Variants in PSD3 observed in about 807,000 individuals in gnomAD.
The protein encoded by PSD3 is pleckstrin and Sec7 domain containing 3.
PSD3 carries 49 observed loss-of-function variants against 105.5 expected under a neutral mutation model. The observed-to-expected ratio is 0.46, with a 90% CI of 0.37 to 0.59. PSD3 has a LOEUF of 0.59. Among genes scored for constraint, PSD3 ranks in the 20% least tolerant of loss-of-function variants. The pLI is 0.00. For synonymous variants in PSD3, 557 were observed against 457.8 expected, an observed-to-expected ratio of 1.22 and a Z score of -2.77; for missense variants, 1,561 against 1,263.8, an observed-to-expected ratio of 1.24 and a Z score of -3.57.
chr8:18,770,342 T>C (rs1198192734), intron 8 of PSD3, among the ~76,000 whole-genome samples: 1 of 152,260 alleles, frequency 6.6e-6, no homozygotes, highest in Non-Finnish European at 1.5e-5. Context: ...TATTCAGTTG[T>C]AAGACTTCTT....
chr8:18,592,006 C>G (rs1294800774), intron 12 of PSD3, among the ~76,000 whole-genome samples: 1 of 151,986 alleles, frequency 6.6e-6, no homozygotes, highest in Non-Finnish European at 1.5e-5. Context: ...ATGTGCAGAT[C>G]CCAATACAGC....
intron 1 of PSD3, among the ~76,000 whole-genome samples, chr8:18,962,998 G>C (rs192122384): frequency 6.6e-6 from 1 of 152,314 alleles, no homozygotes; most frequent in Admixed American, 6.5e-5. Flanking sequence ...TGAGACTGGG[G>C]ATAAAAAGAG....
At chr8:19,083,660 TC>T (rs1829713921) in intron 1 of PSD3, among the ~76,000 whole-genome samples, 1 of 150,146 alleles carries the variant, frequency 6.7e-6, no homozygotes, top group Non-Finnish European at 1.5e-5. Flanking sequence ...TCTGGAAACC[TC>T]CACAGCTCCC....
chr8:18,901,151 G>A (rs1476038615), intron 2 of PSD3, among the ~76,000 whole-genome samples: 2 of 152,136 alleles, frequency 1.3e-5, no homozygotes, highest in Non-Finnish European at 2.9e-5. Flanking sequence ...ATGAATTCAT[G>A]TCACAACTCT....
At chr8:18,663,927 A>G (rs1423745499) in intron 9 of PSD3, among the ~76,000 whole-genome samples, 2 of 152,172 alleles carry the variant, frequency 1.3e-5, no homozygotes, top group East Asian at 3.9e-4. Flanking sequence ...AATTCTCACA[A>G]TTCAAACATT....
Position 18,528,879 on chromosome 8 carries a change from T to C in PSD3, c.*6864A>G, listed in dbSNP as rs928289489. 1 of 152,640 alleles carries C rather than the reference T, an allele frequency of 6.6e-6. No individual in the cohort carries two copies. The highest frequency in any genetic ancestry group is 1.5e-5 in the Non-Finnish European group (1 of 68,056). The allele number at this position is 152,640 out of a possible 1,614,324, so 9.5% of individuals were successfully genotyped here. On this transcript the variant is annotated 3_prime_UTR_variant, in exon 16 of 16. Coordinates refer to ENST00000327040, the MANE Select transcript of PSD3 (RefSeq NM_015310.4). ...TAGCTCTCTGCCCTGCAAAGGGAAA[T>C]GCATTTTAGTTCGGTTCCTTTCCAT... is the stretch of plus-strand genomic sequence containing the variant.
Position 18,687,078 on chromosome 8 carries a change from G to C in PSD3, c.2173-31393C>G, listed in dbSNP as rs547563898. On this transcript the variant is annotated intron_variant, in intron 9 of 15. Transcript: ENST00000327040. Reference sequence around the variant, plus strand: ...CCAAAACAGAACCTGGTGAAGAGCCGGAGCTCAATGACCAGCTGTCAAATA... The same window carrying C: ...CCAAAACAGAACCTGGTGAAGAGCCCGAGCTCAATGACCAGCTGTCAAATA... Among the ~76,000 whole-genome samples the C allele has an allele frequency of 2.0e-5, 3 of 152,244 alleles. No individual in the cohort carries two copies. The East Asian group carries it at 5.8e-4, about 29-fold the overall frequency.
intron 4 of PSD3, among the ~76,000 whole-genome samples, chr8:18,820,120 G>C (rs1812569609): frequency 6.7e-6 from 1 of 150,344 alleles, no homozygotes; most frequent in Admixed American, 6.6e-5. Context: ...AGAATTATTA[G>C]AAACTCCAAG....
intron 9 of PSD3, among the ~76,000 whole-genome samples, chr8:18,662,982 CT>C (rs1398181755): frequency 6.6e-6 from 1 of 152,182 alleles, no homozygotes; most frequent in South Asian, 2.1e-4. Flanking sequence ...ACTCTGACTG[CT>C]TCTTGTCAAA....
At chr8:18,684,250 A>ACACCCCC (rs1160606988) in intron 9 of PSD3, 2 of 170,408 alleles carry the variant, frequency 1.2e-5, no homozygotes, top group African/African-American at 5.7e-5. Context: ...ACACACACAC[A>ACACCCCC]CCCCATCATA....
intron 1 of PSD3, among the ~76,000 whole-genome samples, chr8:19,048,808 GC>G (rs2129477036): frequency 6.6e-6 from 1 of 152,296 alleles, no homozygotes; most frequent in Admixed American, 6.5e-5. Flanking sequence ...GTATTTGTTT[GC>G]TAGGGCTGCC....
chr8:18,640,009 A>G (rs1807526440), intron 10 of PSD3, among the ~76,000 whole-genome samples: 1 of 152,180 alleles, frequency 6.6e-6, no homozygotes, highest in Non-Finnish European at 1.5e-5. Context: ...CAAGCCATGC[A>G]AAGCCTGTCC....
At chr8:18,696,141 C>T (rs1298677278) in intron 9 of PSD3, among the ~76,000 whole-genome samples, 2 of 152,198 alleles carry the variant, frequency 1.3e-5, no homozygotes, top group Admixed American at 6.5e-5. Flanking sequence ...GCTTTCTCCA[C>T]CGACCTCCGG....
chr8:18,536,045 A>G (rs1345249143), intron 15 of PSD3, 87 bp from the exon 16 acceptor site: 1 of 1,277,554 alleles, frequency 7.8e-7, no homozygotes, highest in Admixed American at 1.9e-5. Flanking sequence ...CCACCTGGAG[A>G]GTGTGAATGG....
chr8:18,934,419 C>CTT (rs576676408), intron 2 of PSD3, among the ~76,000 whole-genome samples: 2 of 151,178 alleles, frequency 1.3e-5, no homozygotes, highest in Admixed American at 1.3e-4. Context: ...CTCTAAGATC[C>CTT]TTTTTTTTTG....
intron 9 of PSD3, among the ~76,000 whole-genome samples, chr8:18,741,013 G>A (rs556771408): frequency 1.3e-5 from 2 of 152,274 alleles, no homozygotes; most frequent in East Asian, 1.9e-4. Flanking sequence ...ATGAATGAAG[G>A]AATGAAAGGG....
intron 12 of PSD3, among the ~76,000 whole-genome samples, chr8:18,596,100 G>C (rs1394867869): frequency 6.6e-6 from 1 of 151,738 alleles, no homozygotes; most frequent in African/African-American, 2.4e-5. Flanking sequence ...AAAGCAGAAG[G>C]AAAATGGAGA....
chr8:18,851,060 C>G (rs1204293444), intron 4 of PSD3, among the ~76,000 whole-genome samples: 2 of 152,188 alleles, frequency 1.3e-5, no homozygotes, highest in Non-Finnish European at 2.9e-5. Flanking sequence ...TGCGAAGCAT[C>G]AACAGTTCAG....
chr8:18,756,133 C>T (rs756084722), intron 9 of PSD3, among the ~76,000 whole-genome samples: 13 of 152,198 alleles, frequency 8.5e-5, no homozygotes, highest in Non-Finnish European at 1.8e-4. Flanking sequence ...AGCCCTCTTC[C>T]TCCATGGATA....
Sources: gnomAD v4.1 joint callset for allele counts (sites outside exome capture counted in the v4.1 genomes callset) on GRCh38, gnomAD v4.1.1 for gene constraint, MANE v1.5 for transcripts, NCBI Gene and HGNC (gene_info 2026-07-23, HGNC 2026-07-21) for gene names.